Variants in TMEM132C observed in about 807,000 individuals in gnomAD.
TMEM132C encodes the protein transmembrane protein 132C, also known as protein phosphatase 1, regulatory subunit 152.
In TMEM132C, 29 loss-of-function variants were observed where a neutral mutation model predicts 61.4. That is an observed-to-expected ratio of 0.47 (90% confidence interval 0.35 to 0.64). The LOEUF (loss-of-function observed/expected upper bound fraction) is 0.64. Ranked by LOEUF, TMEM132C falls within the 30% of genes least tolerant of loss-of-function variation. The pLI is 0.00. For missense variants in TMEM132C, 1,408 were observed against 1,476.9 expected (o/e 0.95, Z 0.76); for synonymous variants, 656 against 633.1 (o/e 1.04, Z -0.54).
intron 3 of TMEM132C, among the ~76,000 whole-genome samples, chr12:128,597,656 G>C (rs891350788): frequency 1.4e-4 from 22 of 152,208 alleles, no homozygotes; most frequent in African/African-American, 5.3e-4. Context: ...GGATACAACA[G>C]TGGCCAACAC....
At chr12:128,407,816 A>G (rs559577164) in intron 1 of TMEM132C, among the ~76,000 whole-genome samples, 2 of 152,208 alleles carry the variant, frequency 1.3e-5, no homozygotes, top group Admixed American at 1.3e-4. Context: ...CCACCTCTTG[A>G]TGGGAGAACT....
In TMEM132C at chr12:128,267,419, C is replaced by G; in HGVS notation, c.17C>G (p.Ala6Gly). MRSEG[A>G]APGPAAPLCG... is the part of the protein sequence containing the mutation. ...GGACGCAGGATGCGCTCCGAGGGTG[C>G]GGCCCCCGGGCCGGCGGCGCCGCTG... Residue 6 changes from alanine (A) to glycine (G), a missense_variant, in exon 1 of 9, where the codon GCG becomes GGG. Ala to Gly is a moderately conservative substitution (Grantham distance 60). Coordinates refer to ENST00000435159, the MANE Select transcript of TMEM132C (RefSeq NM_001136103.3). The G allele has an allele frequency of 8.2e-7, 1 of 1,226,774 alleles. No homozygotes were observed. The highest frequency in any genetic ancestry group is 1.0e-6 in the Non-Finnish European group (1 of 985,192). 76.0% of individuals were successfully genotyped at this position (1,226,774 alleles called of 1,614,324 possible).
intron 2 of TMEM132C, among the ~76,000 whole-genome samples, chr12:128,464,520 G>C (rs527685725): frequency 6.6e-6 from 1 of 152,182 alleles, no homozygotes; most frequent in Non-Finnish European, 1.5e-5. Flanking sequence ...GGCTGAAGCA[G>C]GAGGATCACT....
At chr12:128,538,523 G>C (rs1433714472) in intron 2 of TMEM132C, among the ~76,000 whole-genome samples, 1 of 152,084 alleles carries the variant, frequency 6.6e-6, no homozygotes, top group Non-Finnish European at 1.5e-5. Context: ...CAAAGTTCTG[G>C]GATTACAAGT....
intron 1 of TMEM132C, among the ~76,000 whole-genome samples, chr12:128,332,391 A>G (rs1293413018): frequency 6.6e-6 from 1 of 152,202 alleles, no homozygotes; most frequent in East Asian, 1.9e-4. Context: ...TAAGAGCCAC[A>G]TCAGTTTTCT....
intron 3 of TMEM132C, among the ~76,000 whole-genome samples, chr12:128,595,696 G>A (rs1042164318): frequency 6.6e-6 from 1 of 152,204 alleles, no homozygotes; most frequent in African/African-American, 2.4e-5. Context: ...AGAGGGGTCA[G>A]CCAGCATCAC....
intron 1 of TMEM132C, among the ~76,000 whole-genome samples, chr12:128,272,397 C>G (rs1309086090): frequency 6.6e-6 from 1 of 152,116 alleles, no homozygotes. Context: ...AATGAACGCA[C>G]CACAGTTTAT....
At chr12:128,615,404 T>C (rs1276606017) in intron 3 of TMEM132C, among the ~76,000 whole-genome samples, 3 of 152,240 alleles carry the variant, frequency 2.0e-5, no homozygotes, top group African/African-American at 7.2e-5. Context: ...TGAATAATAA[T>C]GAACTAATTA....
At chr12:128,306,119 A>G (rs1871766226) in intron 1 of TMEM132C, among the ~76,000 whole-genome samples, 1 of 152,216 alleles carries the variant, frequency 6.6e-6, no homozygotes. Flanking sequence ...TTCCCAAGAA[A>G]GACTTCCATT....
chr12:128,353,882 G>A (rs1018744549), intron 1 of TMEM132C, among the ~76,000 whole-genome samples: 1 of 152,180 alleles, frequency 6.6e-6, no homozygotes, highest in Non-Finnish European at 1.5e-5. Flanking sequence ...CTGCTTCCTC[G>A]TATCACGGGG....
chr12:128,667,867 T>A (rs1374755904), intron 4 of TMEM132C, among the ~76,000 whole-genome samples: 1 of 152,262 alleles, frequency 6.6e-6, no homozygotes, highest in African/African-American at 2.4e-5. Context: ...CTAATAGTTT[T>A]GCGTGAAGTC....
At chr12:128,507,879 G>A (rs1872429643) in intron 2 of TMEM132C, among the ~76,000 whole-genome samples, 1 of 152,128 alleles carries the variant, frequency 6.6e-6, no homozygotes, top group African/African-American at 2.4e-5. Flanking sequence ...TTGTAAAGTG[G>A]GATTAAGATG....
intron 1 of TMEM132C, among the ~76,000 whole-genome samples, chr12:128,341,506 T>G (rs1872976570): frequency 6.6e-6 from 1 of 152,190 alleles, no homozygotes; most frequent in Non-Finnish European, 1.5e-5. Flanking sequence ...TTGGGGGAAG[T>G]CAGGACTCAG....
intron 2 of TMEM132C, among the ~76,000 whole-genome samples, chr12:128,531,106 G>C (rs60049034): frequency 0.24 from 36,020 of 152,064 alleles, 5,455 homozygotes; most frequent in East Asian, 0.41. Context: ...ATTGTTTTAT[G>C]AAGAAACATT....
chr12:128,694,044 G>A lies in TMEM132C; in HGVS notation c.1655+10G>A, dbSNP rs535095828. 60 of 1,551,268 alleles carry A rather than the reference G, an allele frequency of 3.9e-5. No homozygotes were observed. The highest frequency in any genetic ancestry group is 3.2e-4 in the South Asian group (27 of 84,026). On this transcript the variant is annotated intron_variant, in intron 6 of 8. Transcript: ENST00000435159. ...TTGTGACCAATAAGAGGTGAGCCTC[G>A]GATGGGGAGATGCCCTAGAGCCAAA...
intron 1 of TMEM132C, among the ~76,000 whole-genome samples, chr12:128,351,842 G>T (rs115276075): frequency 0.01 from 1,547 of 152,308 alleles, 29 homozygotes; most frequent in African/African-American, 0.036. Flanking sequence ...AGATTTGGCA[G>T]GGACAAACAA....
chr12:128,658,914 G>A (rs1403336005), intron 4 of TMEM132C, among the ~76,000 whole-genome samples: 1 of 152,218 alleles, frequency 6.6e-6, no homozygotes, highest in Non-Finnish European at 1.5e-5. Flanking sequence ...AAGCATGGTG[G>A]ATCAGAGGCT....
chr12:128,621,934 C>T (rs1048602279), intron 4 of TMEM132C, among the ~76,000 whole-genome samples: 8 of 152,164 alleles, frequency 5.3e-5, no homozygotes, highest in African/African-American at 1.9e-4. Context: ...TCCAGTTAAA[C>T]CACCCTGAGC....
intron 1 of TMEM132C, among the ~76,000 whole-genome samples, chr12:128,351,267 A>G (rs1873329102): frequency 6.6e-6 from 1 of 152,032 alleles, no homozygotes; most frequent in Non-Finnish European, 1.5e-5. Context: ...CTATAAGGAG[A>G]CTGGACTCCT....
Sources: allele counts gnomAD v4.1 joint callset (sites outside exome capture counted in the v4.1 genomes callset), GRCh38; gene constraint gnomAD v4.1.1; transcripts MANE v1.5; gene names NCBI Gene and HGNC (gene_info 2026-07-23, HGNC 2026-07-21).